The following EXOC4 variants were observed in gnomAD, a reference collection of about 807,000 sequenced individuals.
The protein encoded by EXOC4 is exocyst complex component 4, also known as SEC8-like 1.
EXOC4 carries 71 observed loss-of-function variants against 107.2 expected under a neutral mutation model. The observed-to-expected ratio is 0.66, with a 90% confidence interval of 0.55 to 0.81. The LOEUF (loss-of-function observed/expected upper bound fraction) is 0.81, where lower values mean the gene tolerates loss of function less well. Among genes scored for constraint, EXOC4 ranks in the 30% least tolerant of loss-of-function variants. The probability of loss-of-function intolerance (pLI) is 0.00; values close to 1 mark genes in which losing one functional copy is unlikely to be tolerated. For missense variants in EXOC4, 1,108 were observed against 1,189.6 expected, an observed-to-expected ratio of 0.93 and a Z score of 1.01; for synonymous variants, 456 against 441.2, an observed-to-expected ratio of 1.03 and a Z score of -0.42.
Position 133,630,131 on chromosome 7 carries a change from CCA to C in EXOC4, c.1505_1506del (p.Pro502LeufsTer9). The part of the protein sequence containing the change: ...GARNITVIFH[P>X]LLRFIQEIEH... The stretch of plus-strand genomic sequence containing the variant: ...CAGAAACATTACCGTCATATTCCAC[CCA>C]TTACTAAGGTAAGTCAAGTGCTATG... On this transcript the variant is annotated frameshift_variant, in exon 10 of 18. Transcript: ENST00000253861. LOFTEE classifies it high-confidence loss of function. 1 of 1,612,158 alleles carries C rather than the reference CCA, an allele frequency of 6.2e-7. No individual in the cohort carries two copies. The highest frequency in any genetic ancestry group is 8.5e-7 in the Non-Finnish European group (1 of 1,178,428).
chr7:134,090,163 A>T, the EXOC4 span, among the ~76,000 whole-genome samples: 3 of 152,200 alleles, frequency 2.0e-5, no homozygotes. Flanking sequence ...ATATATAACC[A>T]CACACACAAC....
Position 133,278,778 on chromosome 7 carries a change from A to G in EXOC4, c.276+3607A>G, listed in dbSNP as rs142579367. ...TCGGTATAATGGGAGAAATGATTGT[A>G]ATGCTTTGAGCACAGGAATAACATG... On this transcript the variant is annotated intron_variant, in intron 2 of 17. Transcript: ENST00000253861. Among the ~76,000 whole-genome samples the G allele has an allele frequency of 3.4e-3, 518 of 152,236 alleles. 3 individuals carry two copies. Among genetic ancestry groups the G allele is most frequent in the African/African-American group, 0.012 (501 of 41,526 alleles).
chr7:133,576,438 A>G, intron 9 of EXOC4: 3 of 1,205,012 alleles, frequency 2.5e-6, no homozygotes, highest in Non-Finnish European at 3.2e-6. Context: ...GTATATTACT[A>G]CACTTAAAAA....
At chr7:133,425,765 A>T (rs1584907397) in intron 7 of EXOC4, among the ~76,000 whole-genome samples, 1 of 152,138 alleles carries the variant, frequency 6.6e-6, no homozygotes, top group Non-Finnish European at 1.5e-5. Flanking sequence ...TTCCTCTGCA[A>T]ATAGGAACTT....
rs1797553354 is a variant in EXOC4 at position 133,419,494 on chromosome 7, T to G, written c.1182+44492T>G. On this transcript the variant is annotated intron_variant, in intron 7 of 17. Transcript: ENST00000253861. ...TTGATGTGAAGCAGATTTAAAGGGATAAAATCTGTATGATGGGAGATCAGG... is the reference window on the plus strand; with the variant it reads ...TTGATGTGAAGCAGATTTAAAGGGAGAAAATCTGTATGATGGGAGATCAGG... Among the ~76,000 whole-genome samples, 7 of 152,232 alleles carry G rather than the reference T, an allele frequency of 4.6e-5. No individual in the cohort carries two copies. The South Asian group carries it at 1.5e-3, about 32-fold the overall frequency.
intron 2 of EXOC4, among the ~76,000 whole-genome samples, chr7:133,276,130 GTC>G (rs1793985448): frequency 1.3e-5 from 2 of 150,470 alleles, no homozygotes; most frequent in African/African-American, 4.9e-5. Context: ...CTTTCTCCCT[GTC>G]TCTCTCTTCT....
chr7:134,019,120 G>A (rs1322811274), intron 17 of EXOC4, among the ~76,000 whole-genome samples: 2 of 151,946 alleles, frequency 1.3e-5, no homozygotes, highest in African/African-American at 4.8e-5. Flanking sequence ...AGTAGAGATG[G>A]GGTTTCACCA....
At chr7:133,727,481 G>GC (rs1214296388) in intron 10 of EXOC4, 2 of 152,824 alleles carry the variant, frequency 1.3e-5, no homozygotes, top group Non-Finnish European at 2.9e-5. Flanking sequence ...CACAGACACA[G>GC]CCCCCTATTT....
intron 11 of EXOC4, among the ~76,000 whole-genome samples, chr7:133,860,691 T>TG (rs201596474): frequency 0.015 from 2,353 of 152,300 alleles, 60 homozygotes; most frequent in African/African-American, 0.053. Context: ...GTTACTTCTT[T>TG]TTCCTCTTTA....
intron 9 of EXOC4, among the ~76,000 whole-genome samples, chr7:133,535,657 A>G (rs576759366): frequency 1.3e-5 from 2 of 152,314 alleles, no homozygotes; most frequent in Admixed American, 6.5e-5. Context: ...TTTTAAAGCA[A>G]TATCAACTCT....
intron 9 of EXOC4, among the ~76,000 whole-genome samples, chr7:133,532,727 T>G (rs1800203341): frequency 6.6e-6 from 1 of 152,024 alleles, no homozygotes; most frequent in East Asian, 1.9e-4. Context: ...TATTCCAATA[T>G]AAAGATGTTT....
chr7:133,561,097 A>T (rs948960705), intron 9 of EXOC4, among the ~76,000 whole-genome samples: 14 of 152,094 alleles, frequency 9.2e-5, no homozygotes, highest in African/African-American at 3.4e-4. Flanking sequence ...CAGATGTTTG[A>T]CGTCAGTTTG....
chr7:133,660,704 A>G (rs1048546719), intron 10 of EXOC4, among the ~76,000 whole-genome samples: 1 of 152,184 alleles, frequency 6.6e-6, no homozygotes, highest in East Asian at 1.9e-4. Context: ...TTTGCCTCCT[A>G]TTACTTGTTA....
intron 11 of EXOC4, among the ~76,000 whole-genome samples, chr7:133,820,175 T>G (rs1210843685): frequency 2.0e-5 from 3 of 151,172 alleles, no homozygotes; most frequent in Non-Finnish European, 4.4e-5. Context: ...TTTTTTTTTT[T>G]TTGGTGATTA....
chr7:133,284,312 A>C (rs551290080), intron 2 of EXOC4, among the ~76,000 whole-genome samples: 1 of 152,284 alleles, frequency 6.6e-6, no homozygotes, highest in South Asian at 2.1e-4. Flanking sequence ...GTATAACATA[A>C]GATTTATTTT....
At chr7:133,331,450 CTTTCTTTTTTCTTTT>C (rs1399304779) in intron 5 of EXOC4, among the ~76,000 whole-genome samples, 14 of 136,088 alleles carry the variant, frequency 1.0e-4, no homozygotes, top group Non-Finnish European at 1.8e-4. Flanking sequence ...GTATTATCTT[CTTTCTTTTTTCTTTT>C]TTTTTTTTTT....
chr7:134,035,301 T>C (rs1585340193), intron 17 of EXOC4, among the ~76,000 whole-genome samples: 1 of 152,240 alleles, frequency 6.6e-6, no homozygotes, highest in East Asian at 1.9e-4. Context: ...TGTCTCAGCC[T>C]CCCAAAGTGC....
chr7:134,066,925 G>A (rs1008634820), downstream of EXOC4, among the ~76,000 whole-genome samples: 5 of 152,100 alleles, frequency 3.3e-5, no homozygotes, highest in Non-Finnish European at 5.9e-5. Flanking sequence ...GGCTGAGGCA[G>A]GCAGATCAGG....
chr7:134,028,636 G>A (rs1795199223), intron 17 of EXOC4, among the ~76,000 whole-genome samples: 1 of 152,196 alleles, frequency 6.6e-6, no homozygotes, highest in Non-Finnish European at 1.5e-5. Context: ...ATGCTTGGAA[G>A]ATGAGTGTCT....
Sources: gnomAD v4.1 joint callset for allele counts (sites outside exome capture counted in the v4.1 genomes callset) on GRCh38, gnomAD v4.1.1 for gene constraint, MANE v1.5 for transcripts, NCBI Gene and HGNC (gene_info 2026-07-23, HGNC 2026-07-21) for gene names.